The following ANKRD36 variants were observed in gnomAD, a reference collection of about 807,000 sequenced individuals.
ANKRD36 encodes ankyrin repeat domain-containing protein 36A.
In ANKRD36, 179 loss-of-function variants were observed where a neutral mutation model predicts 278.1. The observed-to-expected ratio is 0.64, with a 90% confidence interval of 0.57 to 0.73. The LOEUF (loss-of-function observed/expected upper bound fraction) is 0.73. Among genes scored for constraint, ANKRD36 ranks in the 30% least tolerant of loss-of-function variants. The probability of loss-of-function intolerance (pLI) is 0.00; values close to 1 mark genes in which losing one functional copy is unlikely to be tolerated. For missense variants in ANKRD36, 1,159 were observed against 1,956.7 expected (o/e 0.59, Z 7.69); for synonymous variants, 320 against 641.1 (o/e 0.50, Z 7.57).
intron 54 of ANKRD36, among the ~76,000 whole-genome samples, chr2:97,208,669 C>T (rs2063529407): frequency 6.8e-6 from 1 of 146,402 alleles, no homozygotes; most frequent in Non-Finnish European, 1.5e-5. Context: ...CTCTTGGTTA[C>T]TAGGAGGCAT....
chr2:97,194,524 T>G (rs2059244148), intron 38 of ANKRD36, among the ~76,000 whole-genome samples: 1 of 151,658 alleles, frequency 6.6e-6, no homozygotes, highest in Non-Finnish European at 1.5e-5. Flanking sequence ...TTTGAAATTG[T>G]AAGGGTATAT....
At chr2:97,165,877 A>C (rs2924005) in intron 20 of ANKRD36, among the ~76,000 whole-genome samples, 2 of 152,304 alleles carry the variant, frequency 1.3e-5, no homozygotes, top group Non-Finnish European at 2.9e-5. Context: ...GCCTTGTCTT[A>C]TTTATACCAG....
At chr2:97,157,768 TTTA>T (rs2047851537) in intron 15 of ANKRD36, among the ~76,000 whole-genome samples, 1 of 150,690 alleles carries the variant, frequency 6.6e-6, no homozygotes, top group African/African-American at 2.5e-5. Context: ...TAATTGACTT[TTTA>T]TTATTAGTTT....
intron 38 of ANKRD36, 126 bp from the exon 39 acceptor site, chr2:97,194,600 T>G (rs1235261922): frequency 1.3e-6 from 2 of 1,533,734 alleles, no homozygotes; most frequent in African/African-American, 2.7e-5. Flanking sequence ...AGACAGAAAG[T>G]AGAAGCCATC....
chr2:97,182,688 G>A (rs993448693), intron 26 of ANKRD36, among the ~76,000 whole-genome samples: 1 of 151,024 alleles, frequency 6.6e-6, no homozygotes, highest in Non-Finnish European at 1.5e-5. Flanking sequence ...ATTTCCAAAT[G>A]TCAAAGGTTA....
Position 97,189,372 on chromosome 2 carries a change from T to C in ANKRD36, c.2245+82T>C, listed in dbSNP as rs1558614298. 4 of 419,622 alleles carry C rather than the reference T, an allele frequency of 9.5e-6. No homozygotes were observed. In the East Asian group the frequency reaches 1.7e-4, roughly 18 times the overall value. The allele number at this position is 419,622 out of a possible 1,614,324, so 26.0% of individuals were successfully genotyped here. A position where few individuals can be genotyped will look rare whatever the true frequency, so the allele number is the denominator to read the frequency against. On this transcript the variant is annotated intron_variant, in intron 34 of 75. Coordinates refer to ENST00000420699, the MANE Select transcript of ANKRD36 (RefSeq NM_001354587.1). ...CTACCCCGAATAAATCAGCGGAGGG[T>C]GGGTGGGGGGCTCGCCTAATCTGCA...
rs77851278 is a variant in ANKRD36, at chr2:97,207,854, A to G, written c.3192+15A>G. The G allele has an allele frequency of 1.2e-4, 183 of 1,546,152 alleles. 1 individual carries two copies. In the Middle Eastern group the frequency reaches 2.5e-3, roughly 21 times the overall value. On this transcript the variant is annotated intron_variant, in intron 53 of 75. Coordinates refer to ENST00000420699, the MANE Select transcript of ANKRD36 (RefSeq NM_001354587.1). The stretch of plus-strand genomic sequence containing the variant: ...CAGGCTTGAAGGTAATGAAACTGTC[A>G]TTTATATTGTGAACTAGTAAATGTA...
intron 67 of ANKRD36, among the ~76,000 whole-genome samples, chr2:97,226,588 T>G (rs1356533472): frequency 6.3e-4 from 95 of 151,984 alleles, no homozygotes; most frequent in Admixed American, 1.8e-3. Flanking sequence ...CTGTTCACTC[T>G]GATGGTAGTT....
At chr2:97,124,994 C>T (rs2153418360) in intron 5 of ANKRD36, among the ~76,000 whole-genome samples, 1 of 151,896 alleles carries the variant, frequency 6.6e-6, no homozygotes, top group South Asian at 2.1e-4. Context: ...GAGCTGTGTA[C>T]TGGGGACCAT....
At chr2:97,201,914 C>T (rs1207052215) in intron 46 of ANKRD36, among the ~76,000 whole-genome samples, 1 of 151,886 alleles carries the variant, frequency 6.6e-6, no homozygotes, top group African/African-American at 2.4e-5. Context: ...CACATTTGTT[C>T]TCATCACTCG....
intron 75 of ANKRD36, among the ~76,000 whole-genome samples, chr2:97,261,379 A>G (rs1576700950): frequency 7.5e-6 from 1 of 132,784 alleles, no homozygotes; most frequent in Non-Finnish European, 1.5e-5. Context: ...AAGCCTACCC[A>G]TTCTTCCCGG....
At position 97,160,959 on chromosome 2, in the gene ANKRD36, T is replaced by A. The variant is rs540429740; in HGVS notation, c.1390-1140T>A. 1.1e-3 allele frequency among the ~76,000 whole-genome samples: 163 copies of A among 152,092 alleles called. 3 individuals are homozygous for A. The East Asian group carries it at 0.012, about 12-fold the overall frequency. On this transcript the variant is annotated intron_variant, in intron 17 of 75. Coordinates refer to ENST00000420699, the MANE Select transcript of ANKRD36 (RefSeq NM_001354587.1). ...ACATTAAGAAAATATATTTTATATC[T>A]TTTAATCCAGTATAGAAATATATAA...
intron 15 of ANKRD36, 67 bp downstream of exon 15, chr2:97,154,808 A>G: frequency 7.8e-7 from 1 of 1,273,974 alleles, no homozygotes; most frequent in Non-Finnish European, 1.1e-6. Context: ...ATTTTCTTCT[A>G]GCAAATAATA....
rs878896364 is a variant in ANKRD36, at chr2:97,196,255, A to G, written c.2552-338A>G. Among the ~76,000 whole-genome samples, 12 of 151,996 alleles carry G rather than the reference A, an allele frequency of 7.9e-5. No individual in the cohort carries two copies. In the East Asian group the frequency reaches 1.4e-3, roughly 17 times the overall value. On this transcript the variant is annotated intron_variant, in intron 40 of 75. Transcript: ENST00000420699. ...GAGATCATGTAGCACCTGCTTTGAC[A>G]TTGATTCTCAGGAGTGTGAGTTGCT... is the stretch of plus-strand genomic sequence containing the variant.
intron 6 of ANKRD36, among the ~76,000 whole-genome samples, chr2:97,136,514 T>G: frequency 6.6e-6 from 1 of 151,934 alleles, no homozygotes; most frequent in Non-Finnish European, 1.5e-5. Flanking sequence ...GACTTGTAAC[T>G]GCTGTGGGGG....
chr2:97,192,979 A>G lies in ANKRD36; in HGVS notation c.2377-2A>G, dbSNP rs753281886. Reference sequence around the variant, plus strand: ...TATTATTTCATTTGAAATTCCATTCAGGCTACAAGTGACGAGGAAGGTTCT... The same window carrying G: ...TATTATTTCATTTGAAATTCCATTCGGGCTACAAGTGACGAGGAAGGTTCT... On this transcript the variant is annotated splice_acceptor_variant, in intron 37 of 75. Coordinates refer to ENST00000420699, the MANE Select transcript of ANKRD36 (RefSeq NM_001354587.1). LOFTEE classifies it high-confidence loss of function. 1.9e-6 allele frequency: 3 copies of G among 1,583,574 alleles called. No individual in the cohort carries two copies. The highest frequency in any genetic ancestry group is 1.4e-5 in the African/African-American group (1 of 73,806).
intron 67 of ANKRD36, among the ~76,000 whole-genome samples, chr2:97,227,333 G>T (rs890777169): frequency 3.3e-5 from 5 of 152,202 alleles, no homozygotes; most frequent in African/African-American, 1.2e-4. Context: ...CCTTGAAGAG[G>T]TCCTTCACAT....
At chr2:97,231,448 A>G (rs187195396) in intron 67 of ANKRD36, among the ~76,000 whole-genome samples, 6 of 152,274 alleles carry the variant, frequency 3.9e-5, no homozygotes, top group African/African-American at 1.4e-4. Context: ...CAGGTGCAGG[A>G]TATAATTTCC....
chr2:97,185,659 A>G (rs2057276096), intron 30 of ANKRD36, 149 bp downstream of exon 30: 3 of 1,028,812 alleles, frequency 2.9e-6, no homozygotes, highest in East Asian at 5.2e-5. Flanking sequence ...TTCTCGGGTG[A>G]TGCTGATGCT....
Sources: gnomAD v4.1 joint callset for allele counts (sites outside exome capture counted in the v4.1 genomes callset) on GRCh38, gnomAD v4.1.1 for gene constraint, MANE v1.5 for transcripts, NCBI Gene and HGNC (gene_info 2026-07-23, HGNC 2026-07-21) for gene names.